Variants in KCNIP4 observed in about 807,000 individuals in gnomAD.
KCNIP4 encodes the protein Kv channel-interacting protein 4.
KCNIP4 carries 12 observed loss-of-function variants against 34.0 expected under a neutral mutation model. That is an observed-to-expected ratio of 0.35 (90% CI 0.23 to 0.57). The LOEUF (loss-of-function observed/expected upper bound fraction) is 0.57. KCNIP4 is among the 20% of genes least tolerant of loss of function. The probability of loss-of-function intolerance (pLI) is 0.83; values close to 1 mark genes in which losing one functional copy is unlikely to be tolerated. For synonymous variants in KCNIP4, 124 were observed against 102.2 expected, an observed-to-expected ratio of 1.21 and a Z score of -1.29; for missense variants, 238 against 311.7, an observed-to-expected ratio of 0.76 and a Z score of 1.78.
intron 1 of KCNIP4, among the ~76,000 whole-genome samples, chr4:21,694,914 C>CAAAAAAAAAA (rs368053041): frequency 1.1e-4 from 5 of 46,510 alleles, no homozygotes; most frequent in African/African-American, 2.6e-4. Context: ...CACGATTGAC[C>CAAAAAAAAAA]AAAAAAAAAA....
At chr4:21,352,812 T>C (rs1046195070) in intron 1 of KCNIP4, among the ~76,000 whole-genome samples, 6 of 152,164 alleles carry the variant, frequency 3.9e-5, no homozygotes, top group South Asian at 2.1e-4. Flanking sequence ...GAGAACAGAC[T>C]GCCTCCTTAA....
At chr4:21,609,167 GA>G (rs1743959726) in intron 1 of KCNIP4, among the ~76,000 whole-genome samples, 1 of 152,166 alleles carries the variant, frequency 6.6e-6, no homozygotes, top group African/African-American at 2.4e-5. Flanking sequence ...ATGGATAGGA[GA>G]AATCATTTCA....
intron 1 of KCNIP4, among the ~76,000 whole-genome samples, chr4:21,035,540 T>G (rs528227191): frequency 2.3e-4 from 35 of 152,224 alleles, no homozygotes; most frequent in Non-Finnish European, 3.8e-4. Flanking sequence ...CAAATTTTCA[T>G]TGCTGGTGAG....
At chr4:21,089,016 A>G (rs992223194) in intron 1 of KCNIP4, among the ~76,000 whole-genome samples, 2 of 152,220 alleles carry the variant, frequency 1.3e-5, no homozygotes, top group Non-Finnish European at 2.9e-5. Flanking sequence ...ATGTCCTATT[A>G]TAACTTCAGA....
intron 1 of KCNIP4, among the ~76,000 whole-genome samples, chr4:21,118,672 T>G (rs1000551893): frequency 2.0e-5 from 3 of 152,204 alleles, no homozygotes; most frequent in Non-Finnish European, 2.9e-5. Context: ...TGGGGGGTGG[T>G]GGTGCGGATG....
chr4:20,817,375 C>A (rs1025356959), intron 3 of KCNIP4, among the ~76,000 whole-genome samples: 1 of 152,188 alleles, frequency 6.6e-6, no homozygotes, highest in Non-Finnish European at 1.5e-5. Flanking sequence ...GTTGGCCCTT[C>A]TTCATCAGGA....
chr4:21,298,987 G>A (rs1226521527), intron 1 of KCNIP4, among the ~76,000 whole-genome samples: 2 of 152,100 alleles, frequency 1.3e-5, no homozygotes, highest in African/African-American at 4.8e-5. Context: ...GCCTGAGTTT[G>A]AATTCCAGTT....
chr4:21,902,387 T>C (rs1432663017), intron 1 of KCNIP4, among the ~76,000 whole-genome samples: 3 of 152,120 alleles, frequency 2.0e-5, no homozygotes, highest in African/African-American at 7.2e-5. Context: ...ATAAGTCTAA[T>C]AAAATGAGAA....
chr4:21,316,079 C>A (rs907929106), intron 1 of KCNIP4, among the ~76,000 whole-genome samples: 1 of 152,174 alleles, frequency 6.6e-6, no homozygotes, highest in African/African-American at 2.4e-5. Context: ...ATTTAAGAAT[C>A]AGCTTAAATC....
At chr4:21,943,816 C>A (rs1300355853) in intron 1 of KCNIP4, among the ~76,000 whole-genome samples, 2 of 151,136 alleles carry the variant, frequency 1.3e-5, no homozygotes, top group Non-Finnish European at 2.9e-5. Flanking sequence ...CCCTCATGGC[C>A]TAGAAAGGAT....
intron 1 of KCNIP4, among the ~76,000 whole-genome samples, chr4:21,202,409 T>C (rs1023819644): frequency 1.3e-5 from 2 of 152,070 alleles, no homozygotes; most frequent in African/African-American, 4.8e-5. Flanking sequence ...ATGGAAACAA[T>C]AGGCACTGAG....
chr4:21,678,126 T>G (rs867210033), intron 1 of KCNIP4, among the ~76,000 whole-genome samples: 3 of 152,220 alleles, frequency 2.0e-5, no homozygotes, highest in Admixed American at 1.3e-4. Context: ...TGGTAAGTAT[T>G]GCAGGCTTTG....
At chr4:20,762,660 T>G (rs1300494278) in intron 3 of KCNIP4, among the ~76,000 whole-genome samples, 1 of 152,226 alleles carries the variant, frequency 6.6e-6, no homozygotes, top group African/African-American at 2.4e-5. Context: ...CAATGTGCTG[T>G]ATTAGTTAAC....
At chr4:21,055,489 T>C (rs1743321585) in intron 1 of KCNIP4, among the ~76,000 whole-genome samples, 1 of 152,168 alleles carries the variant, frequency 6.6e-6, no homozygotes, top group Admixed American at 6.6e-5. Context: ...GTAGGTTTGT[T>C]CATAATTGCT....
intron 1 of KCNIP4, among the ~76,000 whole-genome samples, chr4:21,602,246 A>G (rs1265704933): frequency 6.6e-6 from 1 of 152,078 alleles, no homozygotes; most frequent in Non-Finnish European, 1.5e-5. Flanking sequence ...GCCTTGCTCC[A>G]TGTCTCATTA....
intron 1 of KCNIP4, among the ~76,000 whole-genome samples, chr4:21,599,546 A>C (rs1742933075): frequency 6.6e-6 from 1 of 152,124 alleles, no homozygotes; most frequent in South Asian, 2.1e-4. Context: ...ACTTTTTTAC[A>C]TGCAAACATA....
At chr4:20,966,487 G>T (rs1056766893) in intron 1 of KCNIP4, among the ~76,000 whole-genome samples, 30 of 152,064 alleles carry the variant, frequency 2.0e-4, no homozygotes, top group African/African-American at 6.8e-4. Context: ...AGTACTAAAA[G>T]TAAGACTAGC....
At chr4:20,746,139 A>G (rs1226027019) in intron 5 of KCNIP4, among the ~76,000 whole-genome samples, 2 of 152,194 alleles carry the variant, frequency 1.3e-5, no homozygotes, top group Non-Finnish European at 1.5e-5. Context: ...AATGTCCATC[A>G]ATAATACACT....
chr4:20,731,859 G>T, intron 8 of KCNIP4, 147 bp downstream of exon 8: 1 of 1,422,482 alleles, frequency 7.0e-7, no homozygotes, highest in Non-Finnish European at 9.2e-7. Context: ...TGTTTTCAGA[G>T]TGGTAGGCTT....
Sources: gnomAD v4.1 joint callset for allele counts (sites outside exome capture counted in the v4.1 genomes callset) on GRCh38, gnomAD v4.1.1 for gene constraint, MANE v1.5 for transcripts, NCBI Gene and HGNC (gene_info 2026-07-23, HGNC 2026-07-21) for gene names.